Variants in EYS observed in about 807,000 individuals in gnomAD.
EYS encodes protein eyes shut homolog.
Under a neutral mutation model 282.1 loss-of-function variants are expected in EYS, and 250 were observed. That is an observed-to-expected ratio of 0.89 (90% CI 0.80 to 0.98). The LOEUF is 0.98. EYS is among the 50% of genes least tolerant of loss of function. The pLI is 0.00. For missense variants in EYS, 4,016 were observed against 3,709.0 expected (o/e 1.08, Z -2.15); for synonymous variants, 1,355 against 1,282.9 (o/e 1.06, Z -1.20).
intron 26 of EYS, among the ~76,000 whole-genome samples, chr6:64,584,074 T>A (rs193070914): frequency 2.0e-4 from 30 of 152,248 alleles, no homozygotes; most frequent in Admixed American, 2.0e-3. Flanking sequence ...TTTATTTTAA[T>A]CTAACATGAA....
At chr6:64,804,378 CA>C (rs1400681361) in intron 22 of EYS, among the ~76,000 whole-genome samples, 1 of 152,134 alleles carries the variant, frequency 6.6e-6, no homozygotes, top group Non-Finnish European at 1.5e-5. Context: ...TGACATATAA[CA>C]ATTCACTTTT....
intron 36 of EYS, among the ~76,000 whole-genome samples, chr6:63,863,722 C>G (rs1010409343): frequency 3.0e-5 from 4 of 133,002 alleles, no homozygotes; most frequent in African/African-American, 1.2e-4. Context: ...GCTGCCCAGG[C>G]TGGAGTGCAG....
chr6:63,955,226 C>T (rs1407901067), intron 35 of EYS, among the ~76,000 whole-genome samples: 1 of 152,040 alleles, frequency 6.6e-6, no homozygotes, highest in Non-Finnish European at 1.5e-5. Context: ...AGCCTTCATC[C>T]CTATCTTCTG....
chr6:65,348,727 A>G (rs1056034487), intron 9 of EYS, among the ~76,000 whole-genome samples: 1 of 151,438 alleles, frequency 6.6e-6, no homozygotes, highest in East Asian at 2.0e-4. Flanking sequence ...CTGTGAGCTC[A>G]TTTGTCTATT....
intron 14 of EYS, among the ~76,000 whole-genome samples, chr6:64,991,937 A>T (rs2150122877): frequency 6.6e-6 from 1 of 151,936 alleles, no homozygotes; most frequent in East Asian, 1.9e-4. Context: ...TCAGAATATC[A>T]CAGGAATTTA....
At chr6:64,703,555 C>T (rs1302460693) in intron 22 of EYS, among the ~76,000 whole-genome samples, 1 of 149,922 alleles carries the variant, frequency 6.7e-6, no homozygotes, top group Non-Finnish European at 1.5e-5. Context: ...GCCTCAGCCT[C>T]CCGATTAGCT....
At chr6:65,375,679 C>T (rs1350249754) in intron 8 of EYS, among the ~76,000 whole-genome samples, 13 of 151,962 alleles carry the variant, frequency 8.6e-5, no homozygotes, top group African/African-American at 2.7e-4. Context: ...TAGAGAAGAA[C>T]ATAAATGACC....
intron 22 of EYS, among the ~76,000 whole-genome samples, chr6:64,740,239 A>G (rs1349568075): frequency 1.3e-5 from 2 of 152,180 alleles, no homozygotes; most frequent in African/African-American, 4.8e-5. Flanking sequence ...TACATTTCCT[A>G]AATCTTGAAA....
At chr6:64,098,705 A>T (rs1772720604) in intron 31 of EYS, among the ~76,000 whole-genome samples, 2 of 150,268 alleles carry the variant, frequency 1.3e-5, no homozygotes. Flanking sequence ...GGTTCAAGCC[A>T]TTCTCCTGCC....
At chr6:64,555,871 C>A (rs1308359281) in intron 26 of EYS, among the ~76,000 whole-genome samples, 1 of 151,696 alleles carries the variant, frequency 6.6e-6, no homozygotes, top group African/African-American at 2.4e-5. Flanking sequence ...ACAAGGATAG[C>A]AAAAATTAAA....
At chr6:64,718,352 C>A (rs964049861) in intron 22 of EYS, among the ~76,000 whole-genome samples, 1 of 152,186 alleles carries the variant, frequency 6.6e-6, no homozygotes, top group East Asian at 1.9e-4. Context: ...AATAACCCTC[C>A]TTTCACCACT....
At chr6:63,948,026 C>T (rs192873623) in intron 35 of EYS, among the ~76,000 whole-genome samples, 5 of 152,256 alleles carry the variant, frequency 3.3e-5, no homozygotes, top group East Asian at 1.9e-4. Flanking sequence ...AAACACAATA[C>T]TAATGACTCA....
chr6:64,682,247 A>G (rs1348461460), intron 22 of EYS, among the ~76,000 whole-genome samples: 1 of 152,180 alleles, frequency 6.6e-6, no homozygotes, highest in East Asian at 1.9e-4. Context: ...GGGCGCCTGT[A>G]GTCCCAGCTA....
chr6:64,565,278 A>C (rs1025315823), intron 26 of EYS, among the ~76,000 whole-genome samples: 1 of 152,072 alleles, frequency 6.6e-6, no homozygotes, highest in Non-Finnish European at 1.5e-5. Context: ...CAAAGTCAGA[A>C]GTGTTTTTTT....
At chr6:65,424,148 C>T (rs1767576557) in intron 5 of EYS, among the ~76,000 whole-genome samples, 1 of 151,988 alleles carries the variant, frequency 6.6e-6, no homozygotes, top group African/African-American at 2.4e-5. Context: ...TTTTTCTATA[C>T]ATTCGAAGTT....
At chr6:64,241,657 T>TTGTGTG (rs367952253) in intron 30 of EYS, among the ~76,000 whole-genome samples, 4,262 of 149,242 alleles carry the variant, frequency 0.029, 185 homozygotes, top group African/African-American at 0.098. Context: ...TTGAAGGTTT[T>TTGTGTG]TGTGTGTGTG....
rs1163034791 is a variant in EYS, at chr6:65,177,550, CT to C, written c.2023+118312del. Reference sequence around the variant, plus strand: ...GCTATATATATTCTTTTGTATCTGTCTTTTTTTAGCAAGTTTGTTCTCTTTC... The same window carrying C: ...GCTATATATATTCTTTTGTATCTGTCTTTTTTAGCAAGTTTGTTCTCTTTC... On this transcript the variant is annotated intron_variant, in intron 12 of 42. Transcript: ENST00000503581. Among the ~76,000 whole-genome samples, 3 of 151,602 alleles carry C rather than the reference CT, an allele frequency of 2.0e-5. 1 individual carries two copies. Among genetic ancestry groups the C allele is most frequent in the South Asian group, 4.1e-4 (2 of 4,820 alleles).
At chr6:64,820,320 A>G (rs888145529) in intron 21 of EYS, among the ~76,000 whole-genome samples, 2 of 152,096 alleles carry the variant, frequency 1.3e-5, no homozygotes, top group Non-Finnish European at 2.9e-5. Context: ...CCATGTATGT[A>G]TATATGTACG....
At chr6:64,511,225 CATATATATATATCATATATATATATG>C (rs1562033886) in intron 26 of EYS, among the ~76,000 whole-genome samples, 1 of 124,802 alleles carries the variant, frequency 8.0e-6, no homozygotes, top group Non-Finnish European at 1.6e-5. Context: ...TCTCTCTCTA[CATATATATATATCATATATATATATG>C]ATATATATAT....
Sources: gnomAD v4.1 joint callset for allele counts (sites outside exome capture counted in the v4.1 genomes callset) on GRCh38, gnomAD v4.1.1 for gene constraint, MANE v1.5 for transcripts, NCBI Gene and HGNC (gene_info 2026-07-23, HGNC 2026-07-21) for gene names.